PCLO: variants seen among roughly 807,000 people sequenced by gnomAD.
The protein encoded by PCLO is piccolo presynaptic cytomatrix protein.
In PCLO, 82 loss-of-function variants were observed where a neutral mutation model predicts 427.5. That is an observed-to-expected ratio of 0.19 (90% CI 0.16 to 0.23). The LOEUF is 0.23. Among genes scored for constraint, PCLO ranks in the 10% least tolerant of loss-of-function variants. The pLI is 1.00. For synonymous variants in PCLO, 2,357 were observed against 2,155.4 expected, an observed-to-expected ratio of 1.09 and a Z score of -2.59; for missense variants, 6,239 against 6,115.9, an observed-to-expected ratio of 1.02 and a Z score of -0.67.
At chr7:82,925,044 C>T (rs1794681956) in intron 6 of PCLO, among the ~76,000 whole-genome samples, 1 of 152,042 alleles carries the variant, frequency 6.6e-6, no homozygotes, top group Admixed American at 6.6e-5. Context: ...CTATCTTCAT[C>T]CAGGAACTGC....
chr7:82,754,553 T>C lies in PCLO; in HGVS notation c.*4022A>G, dbSNP rs1266160927. 6.6e-6 allele frequency: 1 copy of C among 152,108 alleles called. No homozygotes were observed. The highest frequency in any genetic ancestry group is 1.5e-5 in the Non-Finnish European group (1 of 67,972). The allele number at this position is 152,108 out of a possible 1,614,324, so 9.4% of individuals were successfully genotyped here. On this transcript the variant is annotated 3_prime_UTR_variant, in exon 25 of 25. Coordinates refer to ENST00000333891, the MANE Select transcript of PCLO (RefSeq NM_033026.6). Reference sequence around the variant, plus strand: ...CTAAATGCCAAATGAAATTAATATTTCAACTTCGTCTACTTTACCAAGTGT... The same window carrying C: ...CTAAATGCCAAATGAAATTAATATTCCAACTTCGTCTACTTTACCAAGTGT...
At chr7:82,857,461 C>G (rs2115887475) in intron 10 of PCLO, among the ~76,000 whole-genome samples, 1 of 152,210 alleles carries the variant, frequency 6.6e-6, no homozygotes, top group Non-Finnish European at 1.5e-5. Flanking sequence ...TCTTACTACT[C>G]AGATGATAGA....
At chr7:82,914,589 A>T in intron 7 of PCLO, 97 bp downstream of exon 7, 2 of 1,223,416 alleles carry the variant, frequency 1.6e-6, no homozygotes, top group South Asian at 2.6e-5. Context: ...ACACACCAAG[A>T]AAAGTAGGAT....
intron 1 of PCLO, among the ~76,000 whole-genome samples, chr7:83,157,146 TC>T (rs1792322806): frequency 6.6e-6 from 1 of 152,176 alleles, no homozygotes; most frequent in South Asian, 2.1e-4. Flanking sequence ...CTGGGGATTA[TC>T]CCCATGCCTC....
intron 3 of PCLO, among the ~76,000 whole-genome samples, chr7:82,982,048 G>A (rs1277273738): frequency 6.6e-6 from 1 of 152,124 alleles, no homozygotes; most frequent in African/African-American, 2.4e-5. Context: ...TAATGCATAT[G>A]TAGAAACTAC....
chr7:82,902,530 A>T, intron 9 of PCLO, 121 bp downstream of exon 9: 1 of 601,636 alleles, frequency 1.7e-6, no homozygotes, highest in East Asian at 2.9e-5. Context: ...TACATATGTA[A>T]CTAACATGCA....
At chr7:83,060,570 G>T (rs1001128189) in intron 3 of PCLO, among the ~76,000 whole-genome samples, 1 of 152,024 alleles carries the variant, frequency 6.6e-6, no homozygotes, top group African/African-American at 2.4e-5. Flanking sequence ...GATGTCAGTG[G>T]GGAACTTACC....
intron 22 of PCLO, among the ~76,000 whole-genome samples, chr7:82,784,314 G>A (rs1790937126): frequency 6.6e-6 from 1 of 152,078 alleles, no homozygotes; most frequent in Non-Finnish European, 1.5e-5. Flanking sequence ...CTTCCTGAAG[G>A]TGCTGGGCAC....
chr7:82,888,463 T>A (rs1793679572), intron 9 of PCLO, among the ~76,000 whole-genome samples: 1 of 152,224 alleles, frequency 6.6e-6, no homozygotes, highest in African/African-American at 2.4e-5. Context: ...AGTACCTCTT[T>A]ATTTAATATA....
chr7:82,916,545 T>C lies in PCLO; in HGVS notation c.11441A>G (p.Lys3814Arg), dbSNP rs368032567. The part of the protein sequence containing the change: ...GINRRKEALL[K>R]EREKRERAYL... ...GGCTCGTTCTCTCTTTTCTCTCTCCTTTAATAGGGCCTCTTTCCTCCTGTT... is the reference window on the plus strand; with the variant it reads ...GGCTCGTTCTCTCTTTTCTCTCTCCCTTAATAGGGCCTCTTTCCTCCTGTT... The change falls in exon 7 of 25, where the codon AAG becomes AGG. Residue 3814 changes from lysine (K) to arginine (R), a missense_variant. By Grantham distance (26) the Lys-to-Arg change is conservative. Transcript: ENST00000333891. 6.2e-7 allele frequency: 1 copy of C among 1,613,540 alleles called. No individual in the cohort carries two copies. The highest frequency in any genetic ancestry group is 8.5e-7 in the Non-Finnish European group (1 of 1,179,730).
At chr7:83,102,243 A>G (rs989440918) in intron 3 of PCLO, among the ~76,000 whole-genome samples, 1 of 151,118 alleles carries the variant, frequency 6.6e-6, no homozygotes, top group Non-Finnish European at 1.5e-5. Context: ...AATTATTTAC[A>G]TATCTCATGA....
At chr7:83,102,756 C>A (rs1200558756) in intron 3 of PCLO, among the ~76,000 whole-genome samples, 2 of 151,680 alleles carry the variant, frequency 1.3e-5, no homozygotes, top group African/African-American at 4.8e-5. Context: ...TTATATCTAG[C>A]TAAAATATTA....
rs116891778 is a variant in PCLO, at chr7:82,905,609, G to A, written c.13438-2868C>T. On this transcript the variant is annotated intron_variant, in intron 8 of 24. Transcript: ENST00000333891. ...TTTCTGGGGAAGTGGGGGTGGTAGT[G>A]TCAGGGGAGTCTTCTTGCATCATGG... is the stretch of plus-strand genomic sequence containing the variant. Among the ~76,000 whole-genome samples the A allele has an allele frequency of 3.5e-3, 525 of 152,134 alleles. 2 individuals carry two copies. The highest frequency in any genetic ancestry group is 5.4e-3 in the Non-Finnish European group (370 of 67,980).
intron 6 of PCLO, among the ~76,000 whole-genome samples, chr7:82,933,615 C>T (rs1794886316): frequency 9.7e-6 from 1 of 102,670 alleles, no homozygotes; most frequent in East Asian, 5.8e-4. Flanking sequence ...AAGAAATGCT[C>T]CAGATAAAGG....
chr7:82,932,847 A>AT (rs1037423393), intron 6 of PCLO, among the ~76,000 whole-genome samples: 4 of 152,014 alleles, frequency 2.6e-5, no homozygotes, highest in Admixed American at 6.6e-5. Context: ...TTTATATTTC[A>AT]TTTTTTTACA....
chr7:82,986,298 C>T (rs1175399517), intron 3 of PCLO, among the ~76,000 whole-genome samples: 2 of 151,816 alleles, frequency 1.3e-5, no homozygotes, highest in Admixed American at 6.6e-5. Context: ...TGATTTGTAA[C>T]AGCTTTCTTC....
At position 82,949,523 on chromosome 7, in the gene PCLO, C is replaced by T. The variant is rs775832359; in HGVS notation, c.11065G>A (p.Ala3689Thr). 2.2e-5 allele frequency: 36 copies of T among 1,612,596 alleles called. No individual in the cohort carries two copies. The highest frequency in any genetic ancestry group is 1.5e-4 in the South Asian group (14 of 90,930). Residue 3689 changes from alanine to threonine, a missense_variant, in exon 6 of 25, where the codon GCA (alanine) becomes ACA (threonine). Transcript: ENST00000333891. ...MSDPKPLSPTADESSRAPFQY... is the reference protein window; with the variant it reads ...MSDPKPLSPTTDESSRAPFQY... ...AAAGGAGCCCTGGAACTTTCGTCTGCTGTTGGACTCAGAGGCTTGGGGTCA... is the reference window on the plus strand; with the variant it reads ...AAAGGAGCCCTGGAACTTTCGTCTGTTGTTGGACTCAGAGGCTTGGGGTCA...
intron 7 of PCLO, among the ~76,000 whole-genome samples, chr7:82,912,279 G>GA: frequency 6.6e-6 from 1 of 151,752 alleles, no homozygotes; most frequent in Non-Finnish European, 1.5e-5. Flanking sequence ...TTATTGATTG[G>GA]AAAAAAGTAG....
intron 3 of PCLO, among the ~76,000 whole-genome samples, chr7:83,092,678 G>A (rs6467927): frequency 0.44 from 66,830 of 151,830 alleles, 15,104 homozygotes; most frequent in East Asian, 0.7. Flanking sequence ...GGCCAGGCAC[G>A]GTGGCTCATG....
Sources: gnomAD v4.1 joint callset for allele counts (sites outside exome capture counted in the v4.1 genomes callset) on GRCh38, gnomAD v4.1.1 for gene constraint, MANE v1.5 for transcripts, NCBI Gene and HGNC (gene_info 2026-07-23, HGNC 2026-07-21) for gene names.